Variants in KCNQ1 observed in about 807,000 individuals in gnomAD.
KCNQ1 encodes the protein potassium voltage-gated channel subfamily Q member 1.
KCNQ1 carries 49 observed loss-of-function variants against 72.4 expected under a neutral mutation model. The observed-to-expected ratio is 0.68, with a 90% CI of 0.54 to 0.86. The LOEUF is 0.86. Among genes scored for constraint, KCNQ1 ranks in the 40% least tolerant of loss-of-function variants. KCNQ1 has a pLI of 0.00. For synonymous variants in KCNQ1, 450 were observed against 412.6 expected (o/e 1.09, Z -1.10); for missense variants, 790 against 945.1 (o/e 0.84, Z 2.15).
chr11:2,605,523 C>A (rs567947029), intron 10 of KCNQ1, among the ~76,000 whole-genome samples: 2 of 152,162 alleles, frequency 1.3e-5, no homozygotes, highest in Non-Finnish European at 2.9e-5. Flanking sequence ...GTTGTTTCAA[C>A]ACTATTTGTT....
intron 10 of KCNQ1, chr11:2,660,658 CA>C (rs1370882394): frequency 2.5e-6 from 1 of 398,490 alleles, no homozygotes; most frequent in Non-Finnish European, 4.4e-6. Flanking sequence ...AGCAATGCCT[CA>C]GTTTTCATCC....
intron 1 of KCNQ1, among the ~76,000 whole-genome samples, chr11:2,466,844 C>T (rs531432800): frequency 1.6e-4 from 25 of 152,342 alleles, no homozygotes; most frequent in African/African-American, 5.3e-4. Flanking sequence ...TTATAGAGAG[C>T]GAGGGCCTGG....
chr11:2,699,981 G>A (rs1488144703), intron 11 of KCNQ1: 4 of 398,320 alleles, frequency 1.0e-5, no homozygotes, highest in Middle Eastern at 6.3e-4. Context: ...CTGAGGCGAC[G>A]CGGCGACCGT....
At chr11:2,760,081 G>A (rs558725994) in intron 11 of KCNQ1, among the ~76,000 whole-genome samples, 23 of 152,344 alleles carry the variant, frequency 1.5e-4, no homozygotes, top group Non-Finnish European at 2.5e-4. Context: ...CCCCAGTGAC[G>A]TGTGTTGAAT....
chr11:2,682,801 G>T lies in KCNQ1; in HGVS notation c.1514+20720G>T. ...AAATCTGGGCACCATGAAATGCAGT[G>T]ACTTGCAGTGATCCTCCTGGGGCCT... On this transcript the variant is annotated intron_variant, in intron 11 of 15. Transcript: ENST00000155840. The surrounding 1 kb of genome is among the most constrained non-coding windows in gnomAD (Gnocchi z 5.8). 1 of 398,616 alleles carries T rather than the reference G, an allele frequency of 2.5e-6. No homozygotes were observed. Among genetic ancestry groups the T allele is most frequent in the South Asian group, 1.3e-4 (1 of 7,844 alleles). 24.7% of individuals were successfully genotyped at this position (398,616 alleles called of 1,614,324 possible).
intron 1 of KCNQ1, among the ~76,000 whole-genome samples, chr11:2,445,958 C>T (rs533309712): frequency 6.6e-6 from 1 of 152,260 alleles, no homozygotes; most frequent in South Asian, 2.1e-4. Context: ...AGGGGGCTGT[C>T]CAGGATAGGA....
intron 1 of KCNQ1, among the ~76,000 whole-genome samples, chr11:2,485,375 C>T (rs113255961): frequency 0.16 from 23,568 of 144,658 alleles, 1,866 homozygotes; most frequent in Middle Eastern, 0.23. Flanking sequence ...CCCACCCCCC[C>T]ACCCTGGACA....
At chr11:2,466,780 C>T (rs1490712023) in intron 1 of KCNQ1, among the ~76,000 whole-genome samples, 1 of 151,990 alleles carries the variant, frequency 6.6e-6, no homozygotes, top group Non-Finnish European at 1.5e-5. Context: ...TGTTCCTTAG[C>T]CTCCCTTGGC....
intron 14 of KCNQ1, 27 bp from the exon 15 acceptor site, chr11:2,777,949 C>A (rs1277214572): frequency 1.2e-6 from 2 of 1,612,982 alleles, no homozygotes; most frequent in Non-Finnish European, 8.5e-7. Context: ...GCACTTGGCC[C>A]TGATTTGGGT....
In KCNQ1 at chr11:2,659,007, T is replaced by C. The variant is rs1849902280; in HGVS notation, c.1394-2954T>C. The C allele has an allele frequency of 2.5e-6, 1 of 398,664 alleles. No individual in the cohort carries two copies. 24.7% of individuals were successfully genotyped at this position (398,664 alleles called of 1,614,324 possible). ...AAACAGTGTTTTTGAAAGCAACATA[T>C]GCCAGCTCCTCCTCCTCCTTTCCTT... On this transcript the variant is annotated intron_variant, in intron 10 of 15. Transcript: ENST00000155840. The surrounding 1 kb of genome is among the most constrained non-coding windows in gnomAD (Gnocchi z 4.3).
At chr11:2,578,467 G>A (rs568178918) in intron 6 of KCNQ1, among the ~76,000 whole-genome samples, 25 of 152,358 alleles carry the variant, frequency 1.6e-4, no homozygotes, top group African/African-American at 5.8e-4. Context: ...CTGGACCTCT[G>A]TGTGCTCAGC....
At chr11:2,770,582 G>A (rs2133983148) in intron 12 of KCNQ1, among the ~76,000 whole-genome samples, 1 of 152,376 alleles carries the variant, frequency 6.6e-6, no homozygotes, top group South Asian at 2.1e-4. Flanking sequence ...CCAGGGAAGG[G>A]GGTGGTTCAT....
intron 11 of KCNQ1, among the ~76,000 whole-genome samples, chr11:2,708,253 T>A (rs1315667811): frequency 6.6e-6 from 1 of 152,200 alleles, no homozygotes; most frequent in Non-Finnish European, 1.5e-5. Flanking sequence ...GAGACTTGAC[T>A]TTGACACTCT....
rs759092051 is a variant in KCNQ1, at chr11:2,682,668, T to C, written c.1514+20587T>C. ...TTCCCCAGGGCTCATGTCCACATGC[T>C]ATTGTCCATAGAAGCTGGGGTCCAA... On this transcript the variant is annotated intron_variant, in intron 11 of 15. Transcript: ENST00000155840. This position sits in a 1 kb window ranked among gnomAD's most constrained non-coding sequence, Gnocchi z 5.8. 4 of 398,644 alleles carry C rather than the reference T, an allele frequency of 1.0e-5. No homozygotes were observed. The highest frequency in any genetic ancestry group is 1.3e-5 in the Non-Finnish European group (3 of 226,092). 24.7% of individuals were successfully genotyped at this position (398,644 alleles called of 1,614,324 possible). A position where few individuals can be genotyped will look rare whatever the true frequency, so the allele number is the denominator to read the frequency against.
chr11:2,585,475 G>A (rs1224211431), intron 8 of KCNQ1, among the ~76,000 whole-genome samples, 168 bp downstream of exon 8: 1 of 152,256 alleles, frequency 6.6e-6, no homozygotes, highest in Non-Finnish European at 1.5e-5. Flanking sequence ...GATGGGGTGA[G>A]CACGGGGCAT....
chr11:2,447,840 C>T lies in KCNQ1; in HGVS notation c.386+2356C>T, dbSNP rs752348656. On this transcript the variant is annotated intron_variant, in intron 1 of 15. Transcript: ENST00000155840. The surrounding 1 kb of genome is among the most constrained non-coding windows in gnomAD (Gnocchi z 7.6). ...GGCAGGAGCCGGTGTTCCGCTGACC[C>T]TACAGGGCTAGGGCGAACTCTCCTG... Among the ~76,000 whole-genome samples, 1 of 152,198 alleles carries T rather than the reference C, an allele frequency of 6.6e-6. No homozygotes were observed. Among genetic ancestry groups the T allele is most frequent in the Non-Finnish European group, 1.5e-5 (1 of 68,010 alleles).
chr11:2,575,709 G>A (rs979087014), intron 6 of KCNQ1, among the ~76,000 whole-genome samples: 3 of 152,220 alleles, frequency 2.0e-5, no homozygotes, highest in Non-Finnish European at 4.4e-5. Flanking sequence ...TACTGGGTGG[G>A]AGGTGGCTTC....
rs537649560 is a variant in KCNQ1 at position 2,682,712 on chromosome 11, T to C, written c.1514+20631T>C. On this transcript the variant is annotated intron_variant, in intron 11 of 15. Coordinates refer to ENST00000155840, the MANE Select transcript of KCNQ1 (RefSeq NM_000218.3). The surrounding 1 kb of genome is among the most constrained non-coding windows in gnomAD (Gnocchi z 5.8). ...GGTCCAAAGTTGACCAGAATATCTC[T>C]AGTCATAAAGAATCTCTTCCCCTTG... 9 of 398,608 alleles carry C rather than the reference T, an allele frequency of 2.3e-5. No homozygotes were observed. The South Asian group carries it at 6.4e-4, about 28-fold the overall frequency. 24.7% of individuals were successfully genotyped at this position (398,608 alleles called of 1,614,324 possible). A position where few individuals can be genotyped will look rare whatever the true frequency, so the allele number is the denominator to read the frequency against.
intron 4 of KCNQ1, 36 bp downstream of exon 4, chr11:2,571,439 C>T (rs1403247428): frequency 1.3e-6 from 2 of 1,574,064 alleles, no homozygotes; most frequent in African/African-American, 2.7e-5. Context: ...CGCCATGCCG[C>T]CCCACCCCGA....
Sources: gnomAD v4.1 joint callset for allele counts (sites outside exome capture counted in the v4.1 genomes callset) on GRCh38, gnomAD v4.1.1 for gene constraint, Gnocchi (gnomAD v3.1) non-coding constraint, MANE v1.5 for transcripts, NCBI Gene and HGNC (gene_info 2026-07-23, HGNC 2026-07-21) for gene names.